IL18R1: variants seen among roughly 807,000 people sequenced by gnomAD.
IL18R1 encodes the protein interleukin 18 receptor 1.
In IL18R1, 40 loss-of-function variants were observed where a neutral mutation model predicts 48.5. That is an observed-to-expected ratio of 0.82 (90% confidence interval 0.64 to 1.07). The LOEUF is 1.07. Ranked by LOEUF, IL18R1 falls within the 50% of genes least tolerant of loss-of-function variation. The probability of loss-of-function intolerance (pLI) is 0.00; values close to 1 mark genes in which losing one functional copy is unlikely to be tolerated. For synonymous variants in IL18R1, 232 were observed against 225.9 expected (o/e 1.03, Z -0.24); for missense variants, 596 against 633.7 (o/e 0.94, Z 0.64).
chr2:102,357,735 G>C (rs73946805), intron 1 of IL18R1, among the ~76,000 whole-genome samples: 2 of 152,138 alleles, frequency 1.3e-5, no homozygotes, highest in Admixed American at 6.5e-5. Flanking sequence ...GGCCCAGGTA[G>C]CACAGGCATA....
rs1431743581 is a variant in IL18R1 at position 102,367,048 on chromosome 2, A to C, written c.59-777A>C. ...TAAAAGTGCACCCGAGAGTCACTGG[A>C]GGGTAGATTATGAGAAAGACCCATT... On this transcript the variant is annotated intron_variant, in intron 2 of 10. Transcript: ENST00000233957. Among the ~76,000 whole-genome samples the C allele has an allele frequency of 2.6e-5, 4 of 152,174 alleles. No homozygotes were observed. The East Asian group carries it at 7.7e-4, about 29-fold the overall frequency.
chr2:102,379,077 GC>G (rs758954384), intron 5 of IL18R1, among the ~76,000 whole-genome samples: 47 of 152,178 alleles, frequency 3.1e-4, no homozygotes, highest in Non-Finnish European at 5.9e-4. Flanking sequence ...AAGGGTCATG[GC>G]AATGTTCCCA....
intron 6 of IL18R1, 97 bp downstream of exon 6, chr2:102,381,779 A>G (rs1679935812): frequency 1.3e-6 from 1 of 792,360 alleles, no homozygotes; most frequent in South Asian, 1.5e-5. Flanking sequence ...GACACTGGAT[A>G]CACATTTCAT....
At chr2:102,363,027 C>A in intron 2 of IL18R1, 2 of 199,064 alleles carry the variant, frequency 1.0e-5, no homozygotes, top group Non-Finnish European at 1.0e-5. Flanking sequence ...AGATTCATCT[C>A]ATTATTTAGG....
intron 8 of IL18R1, among the ~76,000 whole-genome samples, chr2:102,387,762 C>T (rs1573225111): frequency 6.6e-6 from 1 of 151,922 alleles, no homozygotes; most frequent in Non-Finnish European, 1.5e-5. Context: ...GACTAACACA[C>T]CCAGAGACAG....
intron 8 of IL18R1, among the ~76,000 whole-genome samples, chr2:102,387,280 C>G (rs900376378): frequency 6.6e-6 from 1 of 152,174 alleles, no homozygotes; most frequent in Non-Finnish European, 1.5e-5. Flanking sequence ...GAGTGAGGCT[C>G]ATGGGGAGGC....
chr2:102,389,742 G>A (rs1288660569), intron 8 of IL18R1, among the ~76,000 whole-genome samples: 1 of 152,138 alleles, frequency 6.6e-6, no homozygotes, highest in Non-Finnish European at 1.5e-5. Context: ...GTCCCTATGT[G>A]TTTCAGCCTA....
At chr2:102,385,041 C>T in intron 7 of IL18R1, 43 bp downstream of exon 7, 1 of 1,071,946 alleles carries the variant, frequency 9.3e-7, no homozygotes, top group South Asian at 1.5e-5. Flanking sequence ...TACCATATAA[C>T]AATCATATAT....
rs896810191 is a variant in IL18R1, at chr2:102,355,894, T to G, written c.-535T>G. Reference sequence around the variant, plus strand: ...GGCGCTGGGTTTTCCAGCAGCAACCTTTGGACCCCGCGATCCAGTAGCTCC... The same window carrying G: ...GGCGCTGGGTTTTCCAGCAGCAACCGTTGGACCCCGCGATCCAGTAGCTCC... On this transcript the variant is annotated 5_prime_UTR_variant, in exon 1 of 11. Coordinates refer to ENST00000233957, the MANE Select transcript of IL18R1 (RefSeq NM_003855.5). 1.3e-5 allele frequency: 2 copies of G among 152,118 alleles called. No homozygotes were observed. The highest frequency in any genetic ancestry group is 4.8e-5 in the African/African-American group (2 of 41,404). 9.4% of individuals were successfully genotyped at this position (152,118 alleles called of 1,614,324 possible).
intron 4 of IL18R1, among the ~76,000 whole-genome samples, chr2:102,375,059 G>A (rs1679493520): frequency 6.6e-6 from 1 of 152,226 alleles, no homozygotes; most frequent in African/African-American, 2.4e-5. Flanking sequence ...ACATGTGGGT[G>A]CTTCACGGGC....
At position 102,376,035 on chromosome 2, in the gene IL18R1, C is replaced by A. The variant is rs371796705; in HGVS notation, c.597C>A (p.Thr199=). 8.7e-5 allele frequency: 139 copies of A among 1,597,450 alleles called. No homozygotes were observed. Among genetic ancestry groups the A allele is most frequent in the Non-Finnish European group, 1.1e-4 (130 of 1,174,150 alleles). ...LHHNGKLFNI[T]KTFNITIVED... ...ATAATGGAAAACTATTTAATATCACCAAAACCTTCAATATAACAATAGTGG... is the reference window on the plus strand; with the variant it reads ...ATAATGGAAAACTATTTAATATCACAAAAACCTTCAATATAACAATAGTGG... The change falls in exon 5 of 11, where the codon ACC becomes ACA. Residue 199 remains threonine (T), a synonymous_variant. Coordinates refer to ENST00000233957, the MANE Select transcript of IL18R1 (RefSeq NM_003855.5).
intron 3 of IL18R1, 64 bp downstream of exon 3, chr2:102,368,132 A>G (rs577301283): frequency 8.3e-6 from 13 of 1,562,298 alleles, no homozygotes; most frequent in Admixed American, 1.7e-5. Flanking sequence ...CAGCAACTCA[A>G]ATATGCAGTA....
chr2:102,367,995 G>A lies in IL18R1; in HGVS notation c.229G>A (p.Ala77Thr), dbSNP rs766876534. ...GAACCCAAGGAGTTCCTCGAGAATT[G>A]CTTTGCATGATTGTGTTTTGGAGTT... Reference protein sequence around the residue: ...ELNPRSSSRIALHDCVLEFWP... With the variant: ...ELNPRSSSRITLHDCVLEFWP... Residue 77 changes from alanine (A) to threonine (T), a missense_variant, in exon 3 of 11, where the codon GCT (alanine) becomes ACT (threonine). Coordinates refer to ENST00000233957, the MANE Select transcript of IL18R1 (RefSeq NM_003855.5). 42 of 1,614,176 alleles carry A rather than the reference G, an allele frequency of 2.6e-5. No individual in the cohort carries two copies. The highest frequency in any genetic ancestry group is 3.6e-5 in the Non-Finnish European group (42 of 1,180,026).
chr2:102,368,455 G>A (rs1264057088), intron 3 of IL18R1, among the ~76,000 whole-genome samples: 1 of 152,182 alleles, frequency 6.6e-6, no homozygotes, highest in Non-Finnish European at 1.5e-5. Flanking sequence ...TCAGCTTCCT[G>A]GGTGGCATCC....
Position 102,379,503 on chromosome 2 carries a change from G to GT in IL18R1, c.626-2110dup, listed in dbSNP as rs1384912810. ...AATACCCTAAGACTCAGGGAAACCC[G>GT]TTTTTTTCTTTTTAAATGCTTAGGT... On this transcript the variant is annotated intron_variant, in intron 5 of 10. Coordinates refer to ENST00000233957, the MANE Select transcript of IL18R1 (RefSeq NM_003855.5). 5.3e-5 allele frequency among the ~76,000 whole-genome samples: 8 copies of GT among 150,548 alleles called. No homozygotes were observed. The South Asian group carries it at 6.3e-4, about 12-fold the overall frequency.
chr2:102,385,026 ATATATACCATATAACAAT>A, intron 7 of IL18R1, 28 bp downstream of exon 7: 1 of 1,201,790 alleles, frequency 8.3e-7, no homozygotes, highest in Non-Finnish European at 1.2e-6. Context: ...ATATGTCATG[ATATATACCATATAACAAT>A]CATATATATT....
At chr2:102,386,760 C>T in intron 7 of IL18R1, 101 bp from the exon 8 acceptor site, 1 of 1,143,462 alleles carries the variant, frequency 8.7e-7, no homozygotes, top group Non-Finnish European at 1.3e-6. Context: ...AGAAATAATG[C>T]AGGCAACATC....
At chr2:102,379,504 T>G (rs1367134377) in intron 5 of IL18R1, among the ~76,000 whole-genome samples, 2 of 151,266 alleles carry the variant, frequency 1.3e-5, no homozygotes, top group Admixed American at 1.3e-4. Context: ...GGGAAACCCG[T>G]TTTTTTCTTT....
At chr2:102,366,705 C>T (rs1678920130) in intron 2 of IL18R1, among the ~76,000 whole-genome samples, 1 of 152,040 alleles carries the variant, frequency 6.6e-6, no homozygotes, top group Non-Finnish European at 1.5e-5. Context: ...CTGGGGAGGC[C>T]TCAGGAAACT....
Sources: allele counts gnomAD v4.1 joint callset (sites outside exome capture counted in the v4.1 genomes callset), GRCh38; gene constraint gnomAD v4.1.1; transcripts MANE v1.5; gene names NCBI Gene and HGNC (gene_info 2026-07-23, HGNC 2026-07-21).